SKAP1: variants seen among roughly 807,000 people sequenced by gnomAD.
SKAP1 encodes src kinase-associated phosphoprotein 1.
SKAP1 carries 44 observed loss-of-function variants against 58.5 expected under a neutral mutation model. That is an observed-to-expected ratio of 0.75 (90% CI 0.59 to 0.97). SKAP1 has a LOEUF of 0.97. Ranked by LOEUF, SKAP1 falls within the 50% of genes least tolerant of loss-of-function variation. The pLI is 0.00. For missense variants in SKAP1, 390 were observed against 435.2 expected (o/e 0.90, Z 0.92); for synonymous variants, 127 against 149.7 (o/e 0.85, Z 1.11).
chr17:48,142,559 G>A (rs1301635600), intron 11 of SKAP1, among the ~76,000 whole-genome samples: 1 of 152,194 alleles, frequency 6.6e-6, no homozygotes, highest in Non-Finnish European at 1.5e-5. Context: ...TCTTAGTTGA[G>A]CAGATTTAGT....
intron 1 of SKAP1, among the ~76,000 whole-genome samples, chr17:48,418,560 C>G (rs916844640): frequency 1.3e-5 from 2 of 152,114 alleles, no homozygotes; most frequent in Non-Finnish European, 2.9e-5. Flanking sequence ...GTTTAACATA[C>G]AACTACCCTA....
chr17:48,162,108 G>T (rs1425559607), intron 11 of SKAP1, among the ~76,000 whole-genome samples: 2 of 152,122 alleles, frequency 1.3e-5, no homozygotes, highest in Non-Finnish European at 2.9e-5. Context: ...TGGGACTACA[G>T]GCATGTGCTA....
chr17:48,333,799 A>G (rs1247766969), intron 4 of SKAP1, among the ~76,000 whole-genome samples: 1 of 152,056 alleles, frequency 6.6e-6, no homozygotes, highest in Non-Finnish European at 1.5e-5. Flanking sequence ...AATGAATCCA[A>G]ATTAGGGGGA....
At chr17:48,401,255 G>A (rs9915778) in intron 1 of SKAP1, among the ~76,000 whole-genome samples, 13,973 of 151,736 alleles carry the variant, frequency 0.092, 981 homozygotes, top group African/African-American at 0.17. Context: ...GCAGTGAGCC[G>A]AGATCATGCC....
intron 1 of SKAP1, among the ~76,000 whole-genome samples, chr17:48,429,518 G>A (rs1290007641): frequency 6.6e-6 from 1 of 152,206 alleles, no homozygotes; most frequent in Admixed American, 6.5e-5. Context: ...CTTGGGGTGG[G>A]TGAGACCCCT....
intron 4 of SKAP1, among the ~76,000 whole-genome samples, chr17:48,288,576 C>G (rs1376925260): frequency 6.6e-6 from 1 of 152,110 alleles, no homozygotes; most frequent in Non-Finnish European, 1.5e-5. Context: ...GTCCCAGCTA[C>G]TCGGGAGGCT....
At chr17:48,166,409 T>C (rs1037482423) in intron 10 of SKAP1, among the ~76,000 whole-genome samples, 1 of 152,240 alleles carries the variant, frequency 6.6e-6, no homozygotes, top group Admixed American at 6.5e-5. Context: ...CTACTGATGA[T>C]AGAGTCAATG....
At chr17:48,425,768 G>A (rs1211957279) in intron 1 of SKAP1, among the ~76,000 whole-genome samples, 1 of 152,186 alleles carries the variant, frequency 6.6e-6, no homozygotes, top group East Asian at 1.9e-4. Context: ...AGACAAGGGT[G>A]CAAAGTGATA....
intron 10 of SKAP1, among the ~76,000 whole-genome samples, chr17:48,166,392 G>A (rs1278550648): frequency 6.6e-6 from 1 of 152,210 alleles, no homozygotes; most frequent in African/African-American, 2.4e-5. Flanking sequence ...CTGAGGCCAA[G>A]TTGGTGCTAC....
At chr17:48,177,640 T>A (rs1024712731) in intron 9 of SKAP1, among the ~76,000 whole-genome samples, 2 of 152,010 alleles carry the variant, frequency 1.3e-5, no homozygotes, top group Non-Finnish European at 2.9e-5. Flanking sequence ...CCCCTCACAT[T>A]CCCTTCTTAA....
At chr17:48,193,284 C>G (rs964899647) in intron 4 of SKAP1, among the ~76,000 whole-genome samples, 5 of 152,120 alleles carry the variant, frequency 3.3e-5, no homozygotes, top group Non-Finnish European at 7.4e-5. Flanking sequence ...CCCAGGGGAT[C>G]CAGCCGCCTC....
At chr17:48,381,173 T>C (rs2067210224) in intron 2 of SKAP1, among the ~76,000 whole-genome samples, 1 of 152,206 alleles carries the variant, frequency 6.6e-6, no homozygotes, top group Non-Finnish European at 1.5e-5. Flanking sequence ...AAGACCCAAA[T>C]GTTATCCACT....
chr17:48,347,017 T>C (rs2066731882), intron 3 of SKAP1, among the ~76,000 whole-genome samples: 1 of 152,232 alleles, frequency 6.6e-6, no homozygotes, highest in Admixed American at 6.5e-5. Flanking sequence ...TAATCTCTTT[T>C]GTGTGTTTTC....
At chr17:48,315,604 A>G (rs570729316) in intron 4 of SKAP1, among the ~76,000 whole-genome samples, 42 of 152,330 alleles carry the variant, frequency 2.8e-4, no homozygotes, top group African/African-American at 9.1e-4. Flanking sequence ...CAGATCTTAT[A>G]TATGATACTA....
chr17:48,430,432 C>T (rs1207049979), upstream of SKAP1, among the ~76,000 whole-genome samples: 4 of 152,130 alleles, frequency 2.6e-5, no homozygotes, highest in Admixed American at 2.6e-4. Flanking sequence ...CCAGCACCCA[C>T]CAAAACAAAA....
At chr17:48,342,545 A>G (rs1406259025) in intron 4 of SKAP1, among the ~76,000 whole-genome samples, 1 of 152,128 alleles carries the variant, frequency 6.6e-6, no homozygotes, top group Non-Finnish European at 1.5e-5. Flanking sequence ...AATATGCAGC[A>G]TGGTTACTGC....
At chr17:48,288,719 T>A (rs2065864542) in intron 4 of SKAP1, among the ~76,000 whole-genome samples, 2 of 152,014 alleles carry the variant, frequency 1.3e-5, no homozygotes, top group African/African-American at 4.8e-5. Context: ...AATTTAAACA[T>A]TTTAGTACTG....
At chr17:48,384,109 A>T (rs1269033288) in intron 2 of SKAP1, among the ~76,000 whole-genome samples, 3 of 152,208 alleles carry the variant, frequency 2.0e-5, no homozygotes, top group African/African-American at 7.2e-5. Context: ...GACTGGAGGC[A>T]GAGAACCAGA....
intron 11 of SKAP1, among the ~76,000 whole-genome samples, chr17:48,147,854 A>C (rs1291874967): frequency 6.6e-6 from 1 of 152,006 alleles, no homozygotes; most frequent in South Asian, 2.1e-4. Context: ...AGTTTTATTT[A>C]CTGTTACATT....
Sources: allele counts gnomAD v4.1 joint callset (sites outside exome capture counted in the v4.1 genomes callset), GRCh38; gene constraint gnomAD v4.1.1; transcripts MANE v1.5; gene names NCBI Gene and HGNC (gene_info 2026-07-23, HGNC 2026-07-21).